SNX2: variants seen among roughly 807,000 people sequenced by gnomAD.
SNX2 encodes the protein sorting nexin-2.
SNX2 carries 25 observed loss-of-function variants against 69.9 expected under a neutral mutation model. That is an observed-to-expected ratio of 0.36 (90% CI 0.26 to 0.50). SNX2 has a LOEUF of 0.50. Ranked by LOEUF, SNX2 falls within the 20% of genes least tolerant of loss-of-function variation. The probability of loss-of-function intolerance (pLI) is 0.97; values close to 1 mark genes in which losing one functional copy is unlikely to be tolerated. For missense variants in SNX2, 551 were observed against 613.3 expected (o/e 0.90, Z 1.07); for synonymous variants, 229 against 200.4 (o/e 1.14, Z -1.20).
intron 7 of SNX2, among the ~76,000 whole-genome samples, chr5:122,813,816 C>T (rs181795182): frequency 1.4e-4 from 20 of 146,634 alleles, no homozygotes; most frequent in Admixed American, 9.1e-4. Context: ...CTCTGTCACC[C>T]AGGCTAGAGT....
intron 1 of SNX2, among the ~76,000 whole-genome samples, chr5:122,793,761 A>C (rs1472238652): frequency 7.3e-5 from 11 of 150,160 alleles, no homozygotes; most frequent in Admixed American, 7.3e-4. Flanking sequence ...ATACAAAAAA[A>C]AATTAGCTGG....
chr5:122,799,530 T>A (rs1753460718), intron 2 of SNX2, among the ~76,000 whole-genome samples, 162 bp from the exon 3 acceptor site: 1 of 152,210 alleles, frequency 6.6e-6, no homozygotes, highest in Non-Finnish European at 1.5e-5. Flanking sequence ...TTGTGATAAA[T>A]AAGGATGCAT....
intron 5 of SNX2, among the ~76,000 whole-genome samples, chr5:122,802,378 G>C (rs138912068): frequency 2.2e-4 from 34 of 152,202 alleles, no homozygotes; most frequent in Middle Eastern, 6.8e-3. Context: ...TGGGGAGGAG[G>C]GGGGGAAGAA....
chr5:122,778,336 C>T (rs1752898670), intron 1 of SNX2, among the ~76,000 whole-genome samples: 1 of 152,086 alleles, frequency 6.6e-6, no homozygotes, highest in Non-Finnish European at 1.5e-5. Flanking sequence ...GATATTTACC[C>T]AGTAGTGGGA....
At chr5:122,792,678 A>C (rs111382371) in intron 1 of SNX2, among the ~76,000 whole-genome samples, 1 of 152,230 alleles carries the variant, frequency 6.6e-6, no homozygotes, top group African/African-American at 2.4e-5. Context: ...TTCCATTGCA[A>C]AATCTACCAT....
intron 11 of SNX2, among the ~76,000 whole-genome samples, chr5:122,823,887 A>G (rs967733403): frequency 2.0e-5 from 3 of 151,798 alleles, no homozygotes; most frequent in Non-Finnish European, 2.9e-5. Context: ...AATGCAGCCC[A>G]ACTCAAATTC....
rs1198542521 is a variant in SNX2, at chr5:122,833,152, AATAATT to A, written c.*3507_*3512del. ...ACTTCCTTATGTAAAATCAGAATCA[AATAATT>A]ATCATTCCTAACCCTCACAGTGAAG... On this transcript the variant is annotated 3_prime_UTR_variant, in exon 15 of 15. Transcript: ENST00000379516. 1 of 152,218 alleles carries A rather than the reference AATAATT, an allele frequency of 6.6e-6. No homozygotes were observed. Among genetic ancestry groups the A allele is most frequent in the Non-Finnish European group, 1.5e-5 (1 of 68,046 alleles). 9.4% of individuals were successfully genotyped at this position (152,218 alleles called of 1,614,324 possible). A position where few individuals can be genotyped will look rare whatever the true frequency, so the allele number is the denominator to read the frequency against.
intron 13 of SNX2, 31 bp from the exon 14 acceptor site, chr5:122,827,544 C>T (rs1418075291): frequency 1.2e-6 from 2 of 1,606,538 alleles, no homozygotes; most frequent in East Asian, 2.2e-5. Context: ...TAGCTTTCTA[C>T]TAACGGACTT....
At chr5:122,794,310 C>T (rs1057090661) in intron 1 of SNX2, among the ~76,000 whole-genome samples, 2 of 145,976 alleles carry the variant, frequency 1.4e-5, no homozygotes, top group African/African-American at 5.0e-5. Flanking sequence ...GACTGTGTCT[C>T]AAAACAAACA....
At position 122,826,085 on chromosome 5, in the gene SNX2, A is replaced by G. The variant is rs1754141669; in HGVS notation, c.1248A>G (p.Lys416=). The change falls in exon 12 of 15, where the codon AAA becomes AAG. Residue 416 remains lysine, a synonymous_variant. Transcript: ENST00000379516. ...VFDHRMKCWQ[K]WEDAQITLLK... is the part of the protein sequence containing the mutation. ...ACCATCGAATGAAGTGCTGGCAGAA[A>G]TGGGAAGATGCTCAAATTACTTTGC... The G allele has an allele frequency of 6.2e-7, 1 of 1,613,242 alleles. No homozygotes were observed. Among genetic ancestry groups the G allele is most frequent in the East Asian group, 2.2e-5 (1 of 44,756 alleles).
At chr5:122,777,464 A>C (rs1296402200) in intron 1 of SNX2, among the ~76,000 whole-genome samples, 1 of 152,252 alleles carries the variant, frequency 6.6e-6, no homozygotes, top group East Asian at 1.9e-4. Flanking sequence ...TATACTACTT[A>C]AACCATAAAA....
chr5:122,822,033 A>C (rs1392868939), intron 11 of SNX2, among the ~76,000 whole-genome samples: 2 of 152,168 alleles, frequency 1.3e-5, no homozygotes, highest in Non-Finnish European at 2.9e-5. Context: ...TTGTTTTGTA[A>C]GTTGCCATTT....
At position 122,815,892 on chromosome 5, in the gene SNX2, C is replaced by T; in HGVS notation, c.723-4C>T. 1 of 1,548,472 alleles carries T rather than the reference C, an allele frequency of 6.5e-7. No individual in the cohort carries two copies. The highest frequency in any genetic ancestry group is 8.8e-7 in the Non-Finnish European group (1 of 1,134,668). ...TAAAGGAGCAATTTTACTCTTAAAT[C>T]TAGGTATCTTCAAAGAACAGTAAAA... On this transcript the variant is annotated splice_region_variant and splice_polypyrimidine_tract_variant and intron_variant, in intron 7 of 14. Transcript: ENST00000379516.
intron 7 of SNX2, among the ~76,000 whole-genome samples, chr5:122,811,005 C>G (rs17450177): frequency 0.36 from 54,013 of 151,964 alleles, 10,263 homozygotes; most frequent in African/African-American, 0.46. Context: ...TTTCATATAG[C>G]CAGCTTTTCT....
intron 14 of SNX2, among the ~76,000 whole-genome samples, chr5:122,829,055 T>C (rs893852825): frequency 6.6e-6 from 1 of 151,950 alleles, no homozygotes; most frequent in African/African-American, 2.4e-5. Context: ...AGGTGGAGGT[T>C]GCAGTGAGCC....
intron 6 of SNX2, among the ~76,000 whole-genome samples, chr5:122,806,103 T>TGTGC (rs1554063130): frequency 1.1e-5 from 1 of 91,120 alleles, no homozygotes; most frequent in African/African-American, 3.8e-5. Context: ...TATGTGTGTG[T>TGTGC]GTGTGTGTGC....
At chr5:122,821,352 C>G (rs1293457249) in intron 11 of SNX2, among the ~76,000 whole-genome samples, 2 of 152,148 alleles carry the variant, frequency 1.3e-5, no homozygotes, top group Non-Finnish European at 2.9e-5. Context: ...CTCTCCCTCC[C>G]TTCCTTTCTC....
At chr5:122,776,862 A>G (rs534778376) in intron 1 of SNX2, among the ~76,000 whole-genome samples, 55 of 152,322 alleles carry the variant, frequency 3.6e-4, no homozygotes, top group African/African-American at 1.3e-3. Flanking sequence ...AGAGTGTTAC[A>G]ACCTTTTTTC....
intron 1 of SNX2, among the ~76,000 whole-genome samples, chr5:122,780,592 G>A (rs1262421502): frequency 1.5e-5 from 2 of 133,370 alleles, no homozygotes; most frequent in Admixed American, 1.6e-4. Context: ...TTTTTTTTGA[G>A]ACAGAGTCTT....
Sources: allele counts gnomAD v4.1 joint callset (sites outside exome capture counted in the v4.1 genomes callset), GRCh38; gene constraint gnomAD v4.1.1; transcripts MANE v1.5; gene names NCBI Gene and HGNC (gene_info 2026-07-23, HGNC 2026-07-21).